ABCC4: variants seen among roughly 807,000 people sequenced by gnomAD.
ABCC4 encodes the protein ATP binding cassette subfamily C member 4 (PEL blood group).
In ABCC4, 102 loss-of-function variants were observed where a neutral mutation model predicts 168.5. That is an observed-to-expected ratio of 0.61 (90% CI 0.52 to 0.71). The LOEUF (loss-of-function observed/expected upper bound fraction) is 0.71. Ranked by LOEUF, ABCC4 falls within the 30% of genes least tolerant of loss-of-function variation. The pLI, the probability that ABCC4 is intolerant of heterozygous loss-of-function variation, is 0.00. For synonymous variants in ABCC4, 617 were observed against 590.7 expected (o/e 1.04, Z -0.65); for missense variants, 1,402 against 1,605.8 (o/e 0.87, Z 2.17).
chr13:95,070,251 G>C (rs937128716), intron 25 of ABCC4, among the ~76,000 whole-genome samples: 1 of 152,076 alleles, frequency 6.6e-6, no homozygotes, highest in Non-Finnish European at 1.5e-5. Flanking sequence ...CTCGAAAAAA[G>C]AATCTATAAG....
intron 19 of ABCC4, among the ~76,000 whole-genome samples, chr13:95,124,506 A>G (rs1326477470): frequency 6.7e-6 from 1 of 149,390 alleles, no homozygotes; most frequent in East Asian, 2.0e-4. Flanking sequence ...GCAGTGAGCT[A>G]TGATCACGCT....
chr13:95,204,212 C>CA (rs1274445664), intron 8 of ABCC4, among the ~76,000 whole-genome samples: 1 of 152,036 alleles, frequency 6.6e-6, no homozygotes, highest in Non-Finnish European at 1.5e-5. Context: ...ACCTAGGGTT[C>CA]AAAAATAGGA....
intron 1 of ABCC4, among the ~76,000 whole-genome samples, chr13:95,253,429 T>A (rs2040316805): frequency 6.6e-6 from 1 of 152,006 alleles, no homozygotes; most frequent in Non-Finnish European, 1.5e-5. Context: ...ATTTGTCACA[T>A]GAATGAGCAC....
intron 20 of ABCC4, among the ~76,000 whole-genome samples, chr13:95,109,164 C>A (rs979380937): frequency 1.5e-4 from 23 of 152,318 alleles, no homozygotes; most frequent in African/African-American, 5.3e-4. Context: ...CTGATTGACT[C>A]AACGACTATG....
intron 4 of ABCC4, among the ~76,000 whole-genome samples, chr13:95,230,299 T>C (rs566283056): frequency 1.3e-5 from 2 of 152,356 alleles, no homozygotes; most frequent in East Asian, 3.9e-4. Context: ...AAGCTAGTCA[T>C]GATTCATAAA....
rs766726597 is a variant in ABCC4, at chr13:95,075,511, C to T, written c.2727G>A (p.Gln909=). The change falls in exon 22 of 31, where the codon CAG becomes CAA. Residue 909 remains glutamine, a synonymous_variant. Transcript: ENST00000645237. ...PVFSHLSSSL[Q]GLWTIRAYKA... ...TGTATGCCCGGATGGTCCAGAGCCC[C>T]TGGAGAGAAGATGATAAGTGGGAAA... 9 of 1,614,096 alleles carry T rather than the reference C, an allele frequency of 5.6e-6. No individual in the cohort carries two copies. The highest frequency in any genetic ancestry group is 5.9e-6 in the Non-Finnish European group (7 of 1,180,000).
At chr13:95,118,348 A>G (rs913447502) in intron 19 of ABCC4, among the ~76,000 whole-genome samples, 1 of 151,290 alleles carries the variant, frequency 6.6e-6, no homozygotes, top group African/African-American at 2.4e-5. Context: ...GGTTCAAGTG[A>G]TTCTCCTGCC....
intron 19 of ABCC4, among the ~76,000 whole-genome samples, chr13:95,129,390 C>T (rs1447068279): frequency 1.3e-5 from 2 of 152,122 alleles, no homozygotes; most frequent in African/African-American, 4.8e-5. Context: ...TTCATTTGTA[C>T]AGGAAGTTAT....
At chr13:95,061,858 T>C (rs1243401940) in intron 26 of ABCC4, among the ~76,000 whole-genome samples, 1 of 152,162 alleles carries the variant, frequency 6.6e-6, no homozygotes, top group Admixed American at 6.5e-5. Context: ...ACTATACACC[T>C]GGAGAATAGT....
chr13:95,211,894 A>G (rs2038967669), intron 4 of ABCC4, among the ~76,000 whole-genome samples: 1 of 152,080 alleles, frequency 6.6e-6, no homozygotes, highest in African/African-American at 2.4e-5. Context: ...AAAAGTTAAA[A>G]AATGGCCGGG....
chr13:95,058,657 C>T (rs1002613627), intron 26 of ABCC4, among the ~76,000 whole-genome samples: 2 of 150,812 alleles, frequency 1.3e-5, no homozygotes, highest in African/African-American at 4.9e-5. Flanking sequence ...TCATGCTGTC[C>T]AACAAATACT....
At chr13:95,173,194 C>T (rs2139581291) in intron 13 of ABCC4, among the ~76,000 whole-genome samples, 1 of 152,310 alleles carries the variant, frequency 6.6e-6, no homozygotes, top group South Asian at 2.1e-4. Context: ...CCAGGAAAGT[C>T]CTCTCTGCAA....
At chr13:95,171,179 T>G (rs558418484) in intron 13 of ABCC4, among the ~76,000 whole-genome samples, 3 of 150,812 alleles carry the variant, frequency 2.0e-5, no homozygotes, top group East Asian at 3.9e-4. Flanking sequence ...CTCTCCACAG[T>G]ATTCTTGGTC....
At chr13:95,212,731 C>T (rs1296071703) in intron 4 of ABCC4, among the ~76,000 whole-genome samples, 3 of 150,692 alleles carry the variant, frequency 2.0e-5, no homozygotes, top group Non-Finnish European at 2.9e-5. Flanking sequence ...CCCAAGTGAA[C>T]GATAACTCTA....
intron 29 of ABCC4, among the ~76,000 whole-genome samples, chr13:95,041,974 T>G (rs1479842972): frequency 6.6e-6 from 1 of 152,156 alleles, no homozygotes; most frequent in African/African-American, 2.4e-5. Flanking sequence ...TTACTTAAAT[T>G]TATACCTCCT....
chr13:95,143,353 C>G (rs2139485835), intron 19 of ABCC4, among the ~76,000 whole-genome samples: 1 of 152,194 alleles, frequency 6.6e-6, no homozygotes, highest in Non-Finnish European at 1.5e-5. Context: ...AATGATGAGT[C>G]CTATTAAAAG....
intron 9 of ABCC4, among the ~76,000 whole-genome samples, chr13:95,192,433 A>G (rs1297952307): frequency 2.0e-5 from 3 of 152,226 alleles, no homozygotes; most frequent in Non-Finnish European, 4.4e-5. Flanking sequence ...GCAGCTGTCA[A>G]TGTTATCTAG....
chr13:95,158,103 C>T (rs1281805260), intron 19 of ABCC4, among the ~76,000 whole-genome samples: 7 of 151,490 alleles, frequency 4.6e-5, no homozygotes, highest in Admixed American at 3.3e-4. Flanking sequence ...ACAGAAACTT[C>T]GCTGCTGAGA....
intron 26 of ABCC4, among the ~76,000 whole-genome samples, chr13:95,057,060 G>C (rs1356621826): frequency 6.6e-6 from 1 of 152,160 alleles, no homozygotes; most frequent in Non-Finnish European, 1.5e-5. Flanking sequence ...TCTTGTCTGA[G>C]TTATAGTATC....
Sources: allele counts gnomAD v4.1 joint callset (sites outside exome capture counted in the v4.1 genomes callset), GRCh38; gene constraint gnomAD v4.1.1; transcripts MANE v1.5; gene names NCBI Gene and HGNC (gene_info 2026-07-23, HGNC 2026-07-21).